The following FAM178B variants were observed in gnomAD, a reference collection of about 807,000 sequenced individuals.
The protein encoded by FAM178B is protein FAM178B.
A neutral mutation model predicts 91.7 loss-of-function variants in FAM178B; 82 were observed. That is an observed-to-expected ratio of 0.89 (90% confidence interval 0.75 to 1.07). The LOEUF (loss-of-function observed/expected upper bound fraction) is 1.07. Among genes scored for constraint, FAM178B ranks in the 50% least tolerant of loss-of-function variants. The pLI is 0.00. For synonymous variants in FAM178B, 368 were observed against 359.4 expected, an observed-to-expected ratio of 1.02 and a Z score of -0.27; for missense variants, 769 against 846.7, an observed-to-expected ratio of 0.91 and a Z score of 1.14.
In FAM178B at chr2:96,972,323, C is replaced by G. The variant is rs1482161308; in HGVS notation, c.143-1G>C. On this transcript the variant is annotated splice_acceptor_variant, in intron 2 of 16. Transcript: ENST00000490605. LOFTEE classifies it high-confidence loss of function. ...GGCACGGTGGCGGCAGCCTGCACCC[C>G]TGCAGACAGGACAGAATACTGTGGT... The G allele has an allele frequency of 5.5e-6, 8 of 1,467,858 alleles. No individual in the cohort carries two copies. Among genetic ancestry groups the G allele is most frequent in the Non-Finnish European group, 7.2e-6 (8 of 1,107,388 alleles). 90.9% of individuals were successfully genotyped at this position (1,467,858 alleles called of 1,614,324 possible).
intron 12 of FAM178B, among the ~76,000 whole-genome samples, chr2:96,919,059 C>T (rs567462381): frequency 6.6e-6 from 1 of 152,288 alleles, no homozygotes; most frequent in Non-Finnish European, 1.5e-5. Flanking sequence ...GACGTGAGCC[C>T]GTCAATGCTC....
intron 12 of FAM178B, among the ~76,000 whole-genome samples, chr2:96,910,790 CTTCTT>C (rs1194505614): frequency 2.0e-5 from 3 of 150,794 alleles, no homozygotes; most frequent in East Asian, 3.9e-4. Flanking sequence ...AGACATCTCT[CTTCTT>C]AATTTTTTTT....
chr2:96,906,259 T>C (rs2081053987), intron 12 of FAM178B, among the ~76,000 whole-genome samples: 1 of 148,438 alleles, frequency 6.7e-6, no homozygotes, highest in South Asian at 2.1e-4. Context: ...TGGAGTGCAG[T>C]GGCGGCATCT....
At chr2:96,908,549 C>A (rs1216428994) in intron 12 of FAM178B, among the ~76,000 whole-genome samples, 1 of 152,040 alleles carries the variant, frequency 6.6e-6, no homozygotes, top group African/African-American at 2.4e-5. Context: ...AACCAACCAA[C>A]CAACAAAACA....
At chr2:96,929,344 G>T in intron 8 of FAM178B, 24 bp from the exon 9 acceptor site, 1 of 1,504,020 alleles carries the variant, frequency 6.6e-7, no homozygotes, top group South Asian at 1.2e-5. Flanking sequence ...AGGGAGCAGA[G>T]AGTTAGAATG....
chr2:96,921,199 C>T lies in FAM178B; in HGVS notation c.1528G>A (p.Val510Met), dbSNP rs560459151. 11 of 1,551,506 alleles carry T rather than the reference C, an allele frequency of 7.1e-6. No homozygotes were observed. The highest frequency in any genetic ancestry group is 3.9e-5 in the Admixed American group (2 of 50,978). ...GAGGTCATGTCTGGGAAGAACTGCA[C>T]GAGGGCCAGCAGGTTGTGGTGGTGG... Reference protein sequence around the residue: ...SDHHHNLLALVQFFPDMTSRS... With the variant: ...SDHHHNLLALMQFFPDMTSRS... Residue 510 changes from valine (V) to methionine (M), a missense_variant, in exon 12 of 17, where the codon GTG becomes ATG. Coordinates refer to ENST00000490605, the MANE Select transcript of FAM178B (RefSeq NM_001122646.3).
chr2:96,878,352 G>C (rs6750988), intron 15 of FAM178B, 64 bp downstream of exon 15: 509,908 of 1,490,454 alleles, frequency 0.34, 104,059 homozygotes, highest in South Asian at 0.76. Context: ...GCCAACCCCC[G>C]CCGCTTGGGG....
At position 96,921,678 on chromosome 2, in the gene FAM178B, G is replaced by C. The variant is rs1019923715; in HGVS notation, c.1288-24C>G. 1.9e-6 allele frequency: 3 copies of C among 1,549,898 alleles called. No individual in the cohort carries two copies. In the African/African-American group the frequency reaches 4.1e-5, roughly 21 times the overall value. The stretch of plus-strand genomic sequence containing the variant: ...AACTGGAGAGAGAAAAGAGGGCAGG[G>C]GTGGCCAGGGCATGGGGGAACGGGA... On this transcript the variant is annotated intron_variant, in intron 10 of 16. Transcript: ENST00000490605.
chr2:96,951,657 A>G (rs1450731559), intron 6 of FAM178B, 173 bp from the exon 7 acceptor site: 3 of 593,198 alleles, frequency 5.1e-6, no homozygotes, highest in African/African-American at 3.7e-5. Flanking sequence ...CAGAAGGAAA[A>G]GAACCCAGGC....
At chr2:96,984,522 G>T (rs1385904051) in intron 1 of FAM178B, among the ~76,000 whole-genome samples, 2 of 152,164 alleles carry the variant, frequency 1.3e-5, no homozygotes, top group African/African-American at 2.4e-5. Flanking sequence ...GGCCCAATCA[G>T]CGTATTCAGA....
intron 13 of FAM178B, among the ~76,000 whole-genome samples, chr2:96,898,827 C>T (rs571372308): frequency 3.5e-4 from 53 of 152,128 alleles, no homozygotes; most frequent in Admixed American, 5.9e-4. Context: ...GCCACTACTG[C>T]GGGTCGGGGG....
intron 10 of FAM178B, among the ~76,000 whole-genome samples, chr2:96,922,570 G>C (rs1004024890): frequency 2.6e-5 from 4 of 152,232 alleles, no homozygotes; most frequent in Non-Finnish European, 2.9e-5. Context: ...GGCTGATCTT[G>C]AACTCCTAAC....
chr2:96,972,263 C>T lies in FAM178B; in HGVS notation c.202G>A (p.Asp68Asn), dbSNP rs1351427692. The T allele has an allele frequency of 6.7e-7, 1 of 1,499,708 alleles. No homozygotes were observed. Among genetic ancestry groups the T allele is most frequent in the South Asian group, 1.3e-5 (1 of 75,406 alleles). The allele number at this position is 1,499,708 out of a possible 1,614,324, so 92.9% of individuals were successfully genotyped here. The change falls in exon 3 of 17, where the codon GAC becomes AAC. Residue 68 changes from aspartate (D) to asparagine (N), a missense_variant. Asp to Asn is a conservative substitution (Grantham distance 23). Coordinates refer to ENST00000490605, the MANE Select transcript of FAM178B (RefSeq NM_001122646.3). ...LLYNLEDGLSDHPLDQGPRCP... is the reference protein window; with the variant it reads ...LLYNLEDGLSNHPLDQGPRCP... ...CGGGGCCCCTGGTCCAGGGGATGGT[C>T]TGACAAGCCATCCTCCAGGTTGTAC...
intron 1 of FAM178B, among the ~76,000 whole-genome samples, chr2:96,981,764 A>G (rs1164145437): frequency 2.0e-5 from 3 of 148,810 alleles, no homozygotes; most frequent in Non-Finnish European, 4.5e-5. Context: ...AAAAAAAAAG[A>G]AAGAAAGAAA....
chr2:96,945,861 T>C (rs1006257285), intron 8 of FAM178B, among the ~76,000 whole-genome samples: 40 of 152,298 alleles, frequency 2.6e-4, no homozygotes, highest in African/African-American at 9.1e-4. Context: ...AAATTTACCA[T>C]CTTAACCATT....
At chr2:96,952,128 G>A (rs1453289910) in intron 6 of FAM178B, among the ~76,000 whole-genome samples, 1 of 152,180 alleles carries the variant, frequency 6.6e-6, no homozygotes, top group East Asian at 1.9e-4. Context: ...AGTGAGGCCA[G>A]GAGTGGGTGT....
At chr2:96,967,448 G>T in intron 5 of FAM178B, 72 bp downstream of exon 5, 1 of 923,734 alleles carries the variant, frequency 1.1e-6, no homozygotes, top group Non-Finnish European at 1.7e-6. Context: ...TCAAAACTCT[G>T]TCCAAAACCA....
chr2:96,929,799 A>G (rs1308917977), intron 8 of FAM178B, among the ~76,000 whole-genome samples: 1 of 152,186 alleles, frequency 6.6e-6, no homozygotes, highest in African/African-American at 2.4e-5. Context: ...TCCCTAGTCC[A>G]CCATCCCTGC....
chr2:96,911,977 T>C (rs2081166600), intron 12 of FAM178B, among the ~76,000 whole-genome samples: 1 of 152,170 alleles, frequency 6.6e-6, no homozygotes, highest in Non-Finnish European at 1.5e-5. Context: ...GCTGCTAGCA[T>C]GTGCCTGGAG....
Sources: allele counts gnomAD v4.1 joint callset (sites outside exome capture counted in the v4.1 genomes callset), GRCh38; gene constraint gnomAD v4.1.1; transcripts MANE v1.5; gene names NCBI Gene and HGNC (gene_info 2026-07-23, HGNC 2026-07-21).